The following LAMA2 variants were observed in gnomAD, a reference collection of about 807,000 sequenced individuals.
LAMA2 encodes the protein laminin subunit alpha-2.
Under a neutral mutation model 364.8 loss-of-function variants are expected in LAMA2, and 269 were observed. That is an observed-to-expected ratio of 0.74 (90% confidence interval 0.67 to 0.82). The LOEUF is 0.82. Ranked by LOEUF, LAMA2 falls within the 40% of genes least tolerant of loss-of-function variation. The pLI, the probability that LAMA2 is intolerant of heterozygous loss-of-function variation, is 0.00. For missense variants in LAMA2, 3,807 were observed against 3,873.2 expected, an observed-to-expected ratio of 0.98 and a Z score of 0.45; for synonymous variants, 1,379 against 1,370.6, an observed-to-expected ratio of 1.01 and a Z score of -0.14.
chr6:129,482,172 G>A (rs1200354251), intron 55 of LAMA2, among the ~76,000 whole-genome samples: 1 of 152,102 alleles, frequency 6.6e-6, no homozygotes. Flanking sequence ...AATGGGCATG[G>A]TCGTGCACAA....
rs145694652 is a variant in LAMA2, at chr6:129,284,912, G to A, written c.2538-2935G>A. ...ATTTGATTTGAAAAAGTTAACAGAT[G>A]TGGAAAGGAACAATGCCTTTGTTAT... is the stretch of plus-strand genomic sequence containing the variant. On this transcript the variant is annotated intron_variant, in intron 18 of 64. Coordinates refer to ENST00000421865, the MANE Select transcript of LAMA2 (RefSeq NM_000426.4). Among the ~76,000 whole-genome samples the A allele has an allele frequency of 4.2e-3, 640 of 152,238 alleles. 2 individuals carry two copies. The highest frequency in any genetic ancestry group is 0.014 in the African/African-American group (591 of 41,540).
intron 10 of LAMA2, among the ~76,000 whole-genome samples, chr6:129,183,895 T>A (rs141106126): frequency 1.1e-3 from 168 of 152,072 alleles, no homozygotes; most frequent in Non-Finnish European, 1.9e-3. Context: ...CAATGACTCA[T>A]ACAAAAGAAA....
At chr6:129,078,236 G>A (rs560886247) in intron 3 of LAMA2, among the ~76,000 whole-genome samples, 27 of 151,972 alleles carry the variant, frequency 1.8e-4, no homozygotes, top group African/African-American at 6.5e-4. Context: ...TAGCATTCAA[G>A]CGATTCTCCT....
At chr6:129,278,855 A>C (rs1788511300) in intron 17 of LAMA2, among the ~76,000 whole-genome samples, 1 of 152,194 alleles carries the variant, frequency 6.6e-6, no homozygotes, top group African/African-American at 2.4e-5. Context: ...CTAGTATCCC[A>C]AAAATAGGAA....
At chr6:129,348,614 C>G (rs1004635273) in intron 30 of LAMA2, among the ~76,000 whole-genome samples, 90 of 151,694 alleles carry the variant, frequency 5.9e-4, no homozygotes, top group Non-Finnish European at 3.7e-4. Context: ...TGGCTGTGGT[C>G]TACCAGCATT....
chr6:129,227,875 G>A (rs1469877931), intron 12 of LAMA2, among the ~76,000 whole-genome samples: 3 of 152,154 alleles, frequency 2.0e-5, no homozygotes, highest in Non-Finnish European at 4.4e-5. Flanking sequence ...GGACATTTAA[G>A]TCTGCAGAGG....
In LAMA2 at chr6:129,190,083, G is replaced by A. The variant is rs12201849; in HGVS notation, c.1468-122G>A. 44,018 of 968,530 alleles carry A rather than the reference G, an allele frequency of 0.045. 1,296 individuals carry two copies. The highest frequency in any genetic ancestry group is 0.073 in the South Asian group (5,554 of 75,808). 60.0% of individuals were successfully genotyped at this position (968,530 alleles called of 1,614,324 possible). A position where few individuals can be genotyped will look rare whatever the true frequency, so the allele number is the denominator to read the frequency against. Reference sequence around the variant, plus strand: ...CAGATTTTTAAAAATATCATTATACGTTAAATATAGTTGAGAGGGTAAAAT... The same window carrying A: ...CAGATTTTTAAAAATATCATTATACATTAAATATAGTTGAGAGGGTAAAAT... On this transcript the variant is annotated intron_variant, in intron 10 of 64. Coordinates refer to ENST00000421865, the MANE Select transcript of LAMA2 (RefSeq NM_000426.4).
chr6:129,447,797 G>T (rs929544866), intron 45 of LAMA2, among the ~76,000 whole-genome samples: 3 of 152,168 alleles, frequency 2.0e-5, no homozygotes, highest in Non-Finnish European at 4.4e-5. Context: ...TGTTAACTTG[G>T]AAGAAGCAAT....
rs986551659 is a variant in LAMA2, at chr6:128,903,632, T to C, written c.112+20275T>C. On this transcript the variant is annotated intron_variant, in intron 1 of 64. Coordinates refer to ENST00000421865, the MANE Select transcript of LAMA2 (RefSeq NM_000426.4). ...ACCTTTGTGGACATTAAGCTGTAATTGTAGCTTTCTCTTGCAAGCTTCTTT... is the reference window on the plus strand; with the variant it reads ...ACCTTTGTGGACATTAAGCTGTAATCGTAGCTTTCTCTTGCAAGCTTCTTT... Among the ~76,000 whole-genome samples, 13 of 152,232 alleles carry C rather than the reference T, an allele frequency of 8.5e-5. 1 individual carries two copies. The highest frequency in any genetic ancestry group is 7.3e-5 in the Non-Finnish European group (5 of 68,038).
chr6:128,974,457 C>A (rs1782394250), intron 1 of LAMA2, among the ~76,000 whole-genome samples: 1 of 152,048 alleles, frequency 6.6e-6, no homozygotes, highest in South Asian at 2.1e-4. Context: ...AAATATGGAA[C>A]CATCTTGTGG....
At chr6:129,451,481 C>A (rs1291051374) in intron 45 of LAMA2, among the ~76,000 whole-genome samples, 1 of 152,142 alleles carries the variant, frequency 6.6e-6, no homozygotes, top group African/African-American at 2.4e-5. Context: ...GGCCACCACA[C>A]TCAGGCCTCC....
intron 1 of LAMA2, among the ~76,000 whole-genome samples, chr6:129,041,992 A>G (rs1478089194): frequency 1.1e-5 from 1 of 89,492 alleles, no homozygotes; most frequent in African/African-American, 4.3e-5. Flanking sequence ...ACAGAATGAG[A>G]CCCTGTCTCA....
intron 37 of LAMA2, among the ~76,000 whole-genome samples, chr6:129,398,391 T>C (rs1048423245): frequency 6.6e-6 from 1 of 151,978 alleles, no homozygotes; most frequent in African/African-American, 2.4e-5. Context: ...GAATTAGTGA[T>C]GGGAGTAGCT....
At chr6:129,394,592 G>A (rs1420324128) in intron 37 of LAMA2, among the ~76,000 whole-genome samples, 1 of 152,210 alleles carries the variant, frequency 6.6e-6, no homozygotes, top group East Asian at 1.9e-4. Flanking sequence ...GAGGCAGGAT[G>A]CTGGGCCACT....
chr6:129,143,190 T>C (rs538581249), intron 4 of LAMA2, among the ~76,000 whole-genome samples: 39 of 152,036 alleles, frequency 2.6e-4, no homozygotes, highest in Non-Finnish European at 4.1e-4. Flanking sequence ...TTTCTCTTGA[T>C]GTCAACTGTG....
intron 44 of LAMA2, among the ~76,000 whole-genome samples, chr6:129,443,357 A>T (rs1354260317): frequency 6.6e-6 from 1 of 152,174 alleles, no homozygotes; most frequent in Non-Finnish European, 1.5e-5. Context: ...TCAAGGTGGG[A>T]GGATCACTTG....
chr6:129,245,309 G>C (rs764684190), intron 12 of LAMA2, among the ~76,000 whole-genome samples: 11 of 152,064 alleles, frequency 7.2e-5, no homozygotes, highest in Non-Finnish European at 1.2e-4. Flanking sequence ...TTGCCTCAAA[G>C]TGAACTAAAA....
chr6:129,203,858 G>A (rs1413883525), intron 12 of LAMA2, among the ~76,000 whole-genome samples: 1 of 152,104 alleles, frequency 6.6e-6, no homozygotes, highest in African/African-American at 2.4e-5. Context: ...CTCATTATCT[G>A]CAAAATGAGG....
intron 1 of LAMA2, among the ~76,000 whole-genome samples, chr6:129,029,410 G>C (rs1023785117): frequency 6.6e-6 from 1 of 151,880 alleles, no homozygotes; most frequent in African/African-American, 2.4e-5. Context: ...AAAAGCAAAC[G>C]GATTAGGAAT....
Sources: gnomAD v4.1 joint callset for allele counts (sites outside exome capture counted in the v4.1 genomes callset) on GRCh38, gnomAD v4.1.1 for gene constraint, MANE v1.5 for transcripts, NCBI Gene and HGNC (gene_info 2026-07-23, HGNC 2026-07-21) for gene names.